Variants in NTN1 observed in about 807,000 individuals in gnomAD.
NTN1 encodes netrin 1.
NTN1 carries 11 observed loss-of-function variants against 54.2 expected under a neutral mutation model. The ratio of observed to expected loss-of-function variants is 0.20; its 90% confidence interval spans 0.13 to 0.34. NTN1 has a LOEUF of 0.34. Among genes scored for constraint, NTN1 ranks in the 10% least tolerant of loss-of-function variants. NTN1 has a pLI of 1.00. For synonymous variants in NTN1, 371 were observed against 382.0 expected (o/e 0.97, Z 0.33); for missense variants, 740 against 893.1 (o/e 0.83, Z 2.18).
chr17:9,230,859 T>A (rs2142370124), intron 6 of NTN1, among the ~76,000 whole-genome samples: 1 of 152,152 alleles, frequency 6.6e-6, no homozygotes, highest in Non-Finnish European at 1.5e-5. Flanking sequence ...CCTCTGAGCA[T>A]CCTGTTTTTA....
In NTN1 at chr17:9,212,280, C is replaced by T. The variant is rs1905122914; in HGVS notation, c.1412-8888C>T. On this transcript the variant is annotated intron_variant, in intron 5 of 6. Coordinates refer to ENST00000173229, the MANE Select transcript of NTN1 (RefSeq NM_004822.3). The surrounding 1 kb of genome is among the most constrained non-coding windows in gnomAD (Gnocchi z 5.5). ...CAGGGTGGGGCAAGTCACGAAGTCA[C>T]CTGCAGCCTAGGACCAAGAGGTGAG... 6.6e-6 allele frequency among the ~76,000 whole-genome samples: 1 copy of T among 152,122 alleles called. No homozygotes were observed. The highest frequency in any genetic ancestry group is 1.9e-4 in the East Asian group (1 of 5,182).
intron 3 of NTN1, 94 bp from the exon 4 acceptor site, chr17:9,179,713 G>A: frequency 1.4e-6 from 2 of 1,437,928 alleles, no homozygotes; most frequent in African/African-American, 1.4e-5. Flanking sequence ...TCCAGGGCAG[G>A]GTCCATGGAG....
chr17:9,069,187 C>G (rs2092025045), intron 2 of NTN1, among the ~76,000 whole-genome samples: 1 of 151,942 alleles, frequency 6.6e-6, no homozygotes, highest in Non-Finnish European at 1.5e-5. Context: ...TGCTAAAACA[C>G]TTTTCCCAAC....
At chr17:9,187,671 A>C (rs1025981433) in intron 5 of NTN1, among the ~76,000 whole-genome samples, 2 of 151,208 alleles carry the variant, frequency 1.3e-5, no homozygotes, top group African/African-American at 2.4e-5. Flanking sequence ...AAAAAAAAAA[A>C]AAAAAAAACA....
intron 2 of NTN1, among the ~76,000 whole-genome samples, chr17:9,127,790 A>C (rs575009086): frequency 6.6e-6 from 1 of 152,110 alleles, no homozygotes; most frequent in Non-Finnish European, 1.5e-5. Flanking sequence ...TAATTCTAGG[A>C]TGCAGGAAGA....
intron 3 of NTN1, among the ~76,000 whole-genome samples, chr17:9,168,833 A>T (rs1033553925): frequency 2.0e-5 from 3 of 151,926 alleles, no homozygotes; most frequent in African/African-American, 7.3e-5. Context: ...TTATACTTTC[A>T]TGTTTTTTTG....
chr17:9,163,092 C>T (rs184729077), intron 3 of NTN1, 91 bp downstream of exon 3: 8 of 1,335,736 alleles, frequency 6.0e-6, no homozygotes, highest in African/African-American at 5.8e-5. Context: ...TATTTTCTTC[C>T]AGTCTGTACA....
chr17:9,171,390 A>G (rs976696940), intron 3 of NTN1: 1 of 152,266 alleles, frequency 6.6e-6, no homozygotes, highest in Admixed American at 6.5e-5. Flanking sequence ...CCTGAGTTAC[A>G]TCCAGATTGG....
chr17:9,171,261 T>A (rs1328343918), intron 3 of NTN1: 1 of 152,150 alleles, frequency 6.6e-6, no homozygotes, highest in East Asian at 1.9e-4. Flanking sequence ...GGCATTGGAT[T>A]GCGGATGACC....
intron 2 of NTN1, among the ~76,000 whole-genome samples, chr17:9,097,585 A>G (rs2092135970): frequency 6.6e-6 from 1 of 152,176 alleles, no homozygotes; most frequent in African/African-American, 2.4e-5. Context: ...AGATCATGCC[A>G]CTGTACTCTA....
At chr17:9,203,033 T>A (rs1214809671) in intron 5 of NTN1, among the ~76,000 whole-genome samples, 1 of 152,226 alleles carries the variant, frequency 6.6e-6, no homozygotes, top group Non-Finnish European at 1.5e-5. Context: ...ACCATTCTCC[T>A]GCCTCAGCCT....
At chr17:9,025,669 T>A (rs552236521) in intron 2 of NTN1, among the ~76,000 whole-genome samples, 1 of 152,348 alleles carries the variant, frequency 6.6e-6, no homozygotes, top group South Asian at 2.1e-4. Flanking sequence ...CAGATTGAAG[T>A]TCCCATAAAG....
chr17:9,234,111 C>T (rs1189355011), intron 6 of NTN1, among the ~76,000 whole-genome samples: 3 of 152,224 alleles, frequency 2.0e-5, no homozygotes, highest in African/African-American at 7.2e-5. Flanking sequence ...CCTCCAGAGC[C>T]CCATGTGGGC....
intron 2 of NTN1, among the ~76,000 whole-genome samples, chr17:9,107,838 C>T (rs187792830): frequency 2.1e-4 from 32 of 152,362 alleles, no homozygotes; most frequent in African/African-American, 7.0e-4. Context: ...TATTTACTAT[C>T]TGGTCCTTTG....
chr17:9,050,820 G>A (rs1488443338), intron 2 of NTN1, among the ~76,000 whole-genome samples: 1 of 152,144 alleles, frequency 6.6e-6, no homozygotes, highest in Non-Finnish European at 1.5e-5. Context: ...ATGAAATGAT[G>A]TATGTGAGAT....
intron 2 of NTN1, among the ~76,000 whole-genome samples, chr17:9,137,185 G>T (rs1485001697): frequency 1.3e-5 from 2 of 152,094 alleles, no homozygotes; most frequent in East Asian, 3.9e-4. Flanking sequence ...ATCCTATGTT[G>T]TCAGTGCCTG....
chr17:9,012,849 C>T, the NTN1 span, among the ~76,000 whole-genome samples: 1 of 152,218 alleles, frequency 6.6e-6, no homozygotes, highest in Non-Finnish European at 1.5e-5. Context: ...GTCAGAAGAT[C>T]CTAAACGCAT....
intron 2 of NTN1, among the ~76,000 whole-genome samples, chr17:9,052,683 T>C (rs1341213942): frequency 6.6e-6 from 1 of 152,142 alleles, no homozygotes; most frequent in African/African-American, 2.4e-5. Flanking sequence ...GAGCCTGAGG[T>C]AGGAAGATAG....
intron 2 of NTN1, among the ~76,000 whole-genome samples, chr17:9,049,068 G>A (rs1301987595): frequency 6.6e-6 from 1 of 152,162 alleles, no homozygotes; most frequent in Non-Finnish European, 1.5e-5. Flanking sequence ...GATGAAACAA[G>A]TGTACACAGA....
Sources: allele counts gnomAD v4.1 joint callset (sites outside exome capture counted in the v4.1 genomes callset), GRCh38; gene constraint gnomAD v4.1.1; non-coding constraint Gnocchi (gnomAD v3.1); transcripts MANE v1.5; gene names NCBI Gene and HGNC (gene_info 2026-07-23, HGNC 2026-07-21).